ADAMTSL1: variants seen among roughly 807,000 people sequenced by gnomAD.
ADAMTSL1 encodes ADAMTS like 1.
Under a neutral mutation model 201.8 loss-of-function variants are expected in ADAMTSL1, and 126 were observed. That is an observed-to-expected ratio of 0.62 (90% CI 0.54 to 0.72). The LOEUF (loss-of-function observed/expected upper bound fraction) is 0.72. Ranked by LOEUF, ADAMTSL1 falls within the 30% of genes least tolerant of loss-of-function variation. The pLI is 0.00. For synonymous variants in ADAMTSL1, 1,121 were observed against 903.4 expected (o/e 1.24, Z -4.32); for missense variants, 2,679 against 2,277.8 (o/e 1.18, Z -3.59).
At chr9:17,947,592 GT>G (rs1288808449) in intron 1 of ADAMTSL1, among the ~76,000 whole-genome samples, 1 of 152,012 alleles carries the variant, frequency 6.6e-6, no homozygotes, top group Non-Finnish European at 1.5e-5. Context: ...TTGCAATATT[GT>G]CCGCCACTTA....
chr9:18,831,919 G>C (rs184185840), intron 23 of ADAMTSL1, among the ~76,000 whole-genome samples: 2 of 152,274 alleles, frequency 1.3e-5, no homozygotes, highest in Non-Finnish European at 2.9e-5. Flanking sequence ...TGATGCTTTG[G>C]AGCTGAGCAC....
chr9:18,590,477 G>C (rs1445147148), intron 4 of ADAMTSL1, among the ~76,000 whole-genome samples: 2 of 150,982 alleles, frequency 1.3e-5, no homozygotes, highest in African/African-American at 4.9e-5. Context: ...TTTTCGTTTT[G>C]TTGACCTTTT....
chr9:18,598,920 C>G (rs1246751700), intron 4 of ADAMTSL1, among the ~76,000 whole-genome samples: 3 of 152,142 alleles, frequency 2.0e-5, no homozygotes, highest in Non-Finnish European at 4.4e-5. Context: ...CAAAGTCACA[C>G]TCAAATGAAA....
chr9:18,356,601 TAA>T (rs1178745672), intron 2 of ADAMTSL1, among the ~76,000 whole-genome samples: 1 of 70,276 alleles, frequency 1.4e-5, no homozygotes, highest in Non-Finnish European at 3.0e-5. Context: ...CAATACACAA[TAA>T]AACACACACA....
chr9:18,159,028 T>TGTGCC (rs373835340), intron 1 of ADAMTSL1, among the ~76,000 whole-genome samples: 4 of 152,190 alleles, frequency 2.6e-5, no homozygotes, highest in African/African-American at 9.6e-5. Context: ...ATGTTCTACT[T>TGTGCC]GTGCCAAGCA....
chr9:17,974,836 A>G (rs993355702), intron 1 of ADAMTSL1, among the ~76,000 whole-genome samples: 1 of 152,096 alleles, frequency 6.6e-6, no homozygotes. Flanking sequence ...GCTGCAATGA[A>G]CATGGGGTTC....
At chr9:18,898,776 A>C (rs1382492071) in intron 26 of ADAMTSL1, among the ~76,000 whole-genome samples, 2 of 152,202 alleles carry the variant, frequency 1.3e-5, no homozygotes, top group Non-Finnish European at 2.9e-5. Context: ...AAATCTCTCC[A>C]ACTAGATATT....
chr9:18,454,051 G>A (rs1045434574), intron 2 of ADAMTSL1, among the ~76,000 whole-genome samples: 3 of 152,152 alleles, frequency 2.0e-5, no homozygotes, highest in Admixed American at 2.0e-4. Context: ...AGGCATATTA[G>A]GGGAATTGGC....
At chr9:18,689,525 A>T (rs1409197573) in intron 13 of ADAMTSL1, among the ~76,000 whole-genome samples, 1 of 152,178 alleles carries the variant, frequency 6.6e-6, no homozygotes, top group Non-Finnish European at 1.5e-5. Flanking sequence ...TTTTTTAAAA[A>T]AAAGGAAAAA....
intron 1 of ADAMTSL1, among the ~76,000 whole-genome samples, chr9:18,097,003 G>A (rs906150006): frequency 5.9e-5 from 9 of 152,118 alleles, no homozygotes; most frequent in African/African-American, 1.9e-4. Flanking sequence ...TTTCTTAAAT[G>A]TATTCATCTT....
rs1471294119 is a variant in ADAMTSL1, at chr9:17,979,012, C to T, written c.87+72090C>T. 2.6e-5 allele frequency among the ~76,000 whole-genome samples: 4 copies of T among 151,460 alleles called. No homozygotes were observed. The East Asian group carries it at 5.8e-4, about 22-fold the overall frequency. On this transcript the variant is annotated intron_variant, in intron 1 of 29. Transcript: ENST00000680146. ...CATGTGTCACTGCACTGTCTCCTGGCCTGCAAATTTTCTGCTCAGACATAT... is the reference window on the plus strand; with the variant it reads ...CATGTGTCACTGCACTGTCTCCTGGTCTGCAAATTTTCTGCTCAGACATAT...
At chr9:18,055,051 A>G (rs1269890465) in intron 1 of ADAMTSL1, among the ~76,000 whole-genome samples, 1 of 152,216 alleles carries the variant, frequency 6.6e-6, no homozygotes, top group Non-Finnish European at 1.5e-5. Context: ...CCCTGCCTGC[A>G]GCTCTGCCAC....
chr9:18,661,964 G>A lies in ADAMTSL1; in HGVS notation c.976G>A (p.Asp326Asn), dbSNP rs756246381. 262 of 1,613,776 alleles carry A rather than the reference G, an allele frequency of 1.6e-4. 1 individual carries two copies. The highest frequency in any genetic ancestry group is 1.9e-4 in the Non-Finnish European group (227 of 1,179,902). ...TCAGCTGACATCGGCTGAGTGCTAC[G>A]ATCTGAGGAGCAACCGTGTGGTTGC... ...GYQLTSAECY[D>N]LRSNRVVADQ... Residue 326 changes from aspartate to asparagine, a missense_variant, in exon 9 of 29, where the codon GAT (aspartate) becomes AAT (asparagine). Asp to Asn is a conservative substitution (Grantham distance 23). Coordinates refer to ENST00000380548, the MANE Select transcript of ADAMTSL1 (RefSeq NM_001040272.6).
At chr9:18,498,984 A>C (rs1822689098) in intron 1 of ADAMTSL1, among the ~76,000 whole-genome samples, 2 of 152,270 alleles carry the variant, frequency 1.3e-5, no homozygotes, top group African/African-American at 2.4e-5. Flanking sequence ...GCAAAAGCGC[A>C]CTGGAATGTG....
At chr9:18,501,435 C>T (rs955888965) in intron 1 of ADAMTSL1, among the ~76,000 whole-genome samples, 4 of 147,950 alleles carry the variant, frequency 2.7e-5, no homozygotes, top group African/African-American at 1.0e-4. Flanking sequence ...CCCTTGAGCC[C>T]AGGAGGTCAA....
intron 1 of ADAMTSL1, among the ~76,000 whole-genome samples, chr9:18,011,843 T>C (rs1241596787): frequency 3.3e-5 from 5 of 151,910 alleles, no homozygotes; most frequent in Non-Finnish European, 7.4e-5. Context: ...CATGACACAA[T>C]ACAACCCATG....
intron 2 of ADAMTSL1, among the ~76,000 whole-genome samples, chr9:18,174,014 C>G (rs1240586046): frequency 6.6e-6 from 1 of 152,130 alleles, no homozygotes; most frequent in Non-Finnish European, 1.5e-5. Flanking sequence ...ATGAATATCA[C>G]ATATCTTTAG....
At chr9:18,202,070 T>C (rs1276185766) in intron 2 of ADAMTSL1, among the ~76,000 whole-genome samples, 1 of 152,170 alleles carries the variant, frequency 6.6e-6, no homozygotes, top group Non-Finnish European at 1.5e-5. Context: ...TGTTGGGTAA[T>C]GTGCAGTGAT....
intron 14 of ADAMTSL1, among the ~76,000 whole-genome samples, chr9:18,720,553 G>A (rs926134704): frequency 2.0e-5 from 3 of 152,212 alleles, no homozygotes; most frequent in African/African-American, 7.2e-5. Context: ...AGAAGCCGAG[G>A]TGGGCAGATC....
Sources: gnomAD v4.1 joint callset for allele counts (sites outside exome capture counted in the v4.1 genomes callset) on GRCh38, gnomAD v4.1.1 for gene constraint, MANE v1.5 for transcripts, NCBI Gene and HGNC (gene_info 2026-07-23, HGNC 2026-07-21) for gene names.